Variants in RAB11FIP3 observed in about 807,000 individuals in gnomAD.
The protein encoded by RAB11FIP3 is RAB11 family interacting protein 3.
Under a neutral mutation model 77.8 loss-of-function variants are expected in RAB11FIP3, and 17 were observed. That is an observed-to-expected ratio of 0.22 (90% CI 0.15 to 0.33). The LOEUF (loss-of-function observed/expected upper bound fraction) is 0.33, where lower values mean the gene tolerates loss of function less well. RAB11FIP3 is among the 10% of genes least tolerant of loss of function. The pLI is 1.00. For missense variants in RAB11FIP3, 1,005 were observed against 1,011.2 expected, an observed-to-expected ratio of 0.99 and a Z score of 0.08; for synonymous variants, 437 against 448.2, an observed-to-expected ratio of 0.98 and a Z score of 0.31.
chr16:475,225 G>T, intron 3 of RAB11FIP3: 1 of 1,134,210 alleles, frequency 8.8e-7, no homozygotes. Flanking sequence ...GGCCCTGAAC[G>T]GGCTTTTTCT....
chr16:501,240 C>G (rs1228956731), intron 6 of RAB11FIP3, among the ~76,000 whole-genome samples: 1 of 152,276 alleles, frequency 6.6e-6, no homozygotes. Context: ...CCTAGCCAAG[C>G]TGTTTGTATG....
rs529554470 is a variant in RAB11FIP3, at chr16:446,590, C to A, written c.715-14814C>A. 2.0e-5 allele frequency among the ~76,000 whole-genome samples: 3 copies of A among 152,340 alleles called. No homozygotes were observed. In the South Asian group the frequency reaches 6.2e-4, roughly 32 times the overall value. ...AAGTTTGTGGCATCTGCTGCTCTAG[C>A]CTGGTGTCCAGATGTGTCCTACAGA... On this transcript the variant is annotated intron_variant, in intron 1 of 13. Transcript: ENST00000262305.
At chr16:511,792 G>A (rs1254349409) in intron 9 of RAB11FIP3, among the ~76,000 whole-genome samples, 3 of 82,900 alleles carry the variant, frequency 3.6e-5, no homozygotes, top group African/African-American at 1.1e-4. Context: ...CTGACGGCCC[G>A]CCCACCCCAG....
chr16:482,472 C>T lies in RAB11FIP3; in HGVS notation c.904-53C>T, dbSNP rs1036307306. On this transcript the variant is annotated intron_variant, in intron 3 of 13. Transcript: ENST00000262305. ...TTGCAGCAGTGAGGTGTGGGGCGTT[C>T]GCAGTTCCCCTCCCAGCTTGTGCCC... 29 of 1,552,752 alleles carry T rather than the reference C, an allele frequency of 1.9e-5. No individual in the cohort carries two copies. In the South Asian group the frequency reaches 2.7e-4, roughly 14 times the overall value.
rs142875972 is a variant in RAB11FIP3 at position 463,430 on chromosome 16, GTTTTTTTTTT to G, written c.808+1949_808+1958del. Among the ~76,000 whole-genome samples the G allele has an allele frequency of 3.2e-4, 26 of 82,272 alleles. 2 individuals carry two copies. The Admixed American group carries it at 3.3e-3, about 10-fold the overall frequency. The allele number at this position is 82,272 out of a possible 152,430, so 54.0% of individuals were successfully genotyped here. On this transcript the variant is annotated intron_variant, in intron 2 of 13. Coordinates refer to ENST00000262305, the MANE Select transcript of RAB11FIP3 (RefSeq NM_014700.4). ...GAAACGTGCTGTGTGTTGTTCCCCG[GTTTTTTTTTT>G]TTTTTTTTTTTTTTTGAGACAGAGT...
intron 2 of RAB11FIP3, among the ~76,000 whole-genome samples, chr16:468,870 C>G (rs976773728): frequency 2.6e-5 from 4 of 152,182 alleles, no homozygotes; most frequent in Non-Finnish European, 1.5e-5. Context: ...AAAATGCCAT[C>G]TGTGTTCATA....
intron 3 of RAB11FIP3, among the ~76,000 whole-genome samples, chr16:480,145 C>T (rs1415436008): frequency 1.3e-5 from 2 of 151,472 alleles, no homozygotes; most frequent in African/African-American, 4.9e-5. Flanking sequence ...AAATTAGTGG[C>T]GTGGTGGCAC....
intron 12 of RAB11FIP3, 70 bp from the exon 13 acceptor site, chr16:520,389 G>A (rs970622123): frequency 1.9e-6 from 3 of 1,595,414 alleles, no homozygotes; most frequent in Non-Finnish European, 2.6e-6. Flanking sequence ...CTTTTTCCCC[G>A]GGCAGTCCTT....
intron 5 of RAB11FIP3, among the ~76,000 whole-genome samples, chr16:492,388 A>ACCCGAGGCCGCCCAGG (rs1158189106): frequency 2.5e-5 from 1 of 39,504 alleles, no homozygotes; most frequent in Non-Finnish European, 4.9e-5. Context: ...GGCCGCCCAG[A>ACCCGAGGCCGCCCAGG]GCCCTCCCCG....
In RAB11FIP3 at chr16:506,039, C is replaced by T. The variant is rs186653899; in HGVS notation, c.1499+412C>T. ...CTGGAAGAATGCAGGTTAGAGAAGT[C>T]GCTCAGCAGCAGAAAGCGAAATGAG... On this transcript the variant is annotated intron_variant, in intron 8 of 13. Transcript: ENST00000262305. This position sits in a 1 kb window ranked among gnomAD's most constrained non-coding sequence, Gnocchi z 4.5. Among the ~76,000 whole-genome samples the T allele has an allele frequency of 1.6e-4, 24 of 152,344 alleles. No homozygotes were observed. The highest frequency in any genetic ancestry group is 5.0e-4 in the African/African-American group (21 of 41,586).
At chr16:469,797 TTACA>T (rs1441028323) in intron 2 of RAB11FIP3, among the ~76,000 whole-genome samples, 1 of 152,168 alleles carries the variant, frequency 6.6e-6, no homozygotes, top group Non-Finnish European at 1.5e-5. Flanking sequence ...AGTGCTGGGA[TTACA>T]GGTGTGAGCC....
chr16:466,064 G>A (rs1337859493), intron 2 of RAB11FIP3, among the ~76,000 whole-genome samples: 1 of 152,158 alleles, frequency 6.6e-6, no homozygotes, highest in African/African-American at 2.4e-5. Context: ...AAGACTCAGA[G>A]CACTCAGGGC....
chr16:434,987 C>T (rs969386536), intron 1 of RAB11FIP3, among the ~76,000 whole-genome samples: 3 of 152,074 alleles, frequency 2.0e-5, no homozygotes, highest in Non-Finnish European at 2.9e-5. Context: ...AGGTGGATCA[C>T]GAGGTCAAGA....
intron 3 of RAB11FIP3, among the ~76,000 whole-genome samples, chr16:478,666 T>C (rs1179699611): frequency 6.6e-6 from 1 of 152,212 alleles, no homozygotes. Flanking sequence ...AAGGTTGAAA[T>C]TATAAATTGA....
rs58027215 is a variant in RAB11FIP3, at chr16:522,243, G to A, written c.*1404G>A. On this transcript the variant is annotated 3_prime_UTR_variant, in exon 14 of 14. Coordinates refer to ENST00000262305, the MANE Select transcript of RAB11FIP3 (RefSeq NM_014700.4). ...TCAAGAGAAAACTGTGTATACACATGAAATATATATATATATATATATATA... is the reference window on the plus strand; with the variant it reads ...TCAAGAGAAAACTGTGTATACACATAAAATATATATATATATATATATATA... 4.7e-3 allele frequency: 541 copies of A among 115,570 alleles called. 4 individuals are homozygous for A. The highest frequency in any genetic ancestry group is 0.022 in the African/African-American group (499 of 22,862). The allele number at this position is 115,570 out of a possible 1,614,324, so 7.2% of individuals were successfully genotyped here.
intron 3 of RAB11FIP3, among the ~76,000 whole-genome samples, chr16:476,832 T>TGTAATCCCAGCACTTTGGGA (rs2141704362): frequency 6.6e-6 from 1 of 150,866 alleles, no homozygotes; most frequent in East Asian, 2.0e-4. Context: ...GGCTCAGGCC[T>TGTAATCCCAGCACTTTGGGA]GTAATCCCAG....
intron 2 of RAB11FIP3, among the ~76,000 whole-genome samples, chr16:470,004 T>G (rs976147748): frequency 6.6e-6 from 1 of 150,890 alleles, no homozygotes; most frequent in African/African-American, 2.4e-5. Context: ...CTTTCTTTCT[T>G]TTTTTTTTGA....
At chr16:477,523 C>A in intron 3 of RAB11FIP3, 1 of 596,420 alleles carries the variant, frequency 1.7e-6, no homozygotes, top group Non-Finnish European at 2.1e-6. Flanking sequence ...TGACAGACAT[C>A]CTGGGCCTGC....
chr16:499,227 A>C (rs1439527826), intron 6 of RAB11FIP3, among the ~76,000 whole-genome samples: 1 of 152,168 alleles, frequency 6.6e-6, no homozygotes, highest in Non-Finnish European at 1.5e-5. Context: ...AAAGAAAGAA[A>C]AAGAGAAGCA....
Sources: allele counts gnomAD v4.1 joint callset (sites outside exome capture counted in the v4.1 genomes callset), GRCh38; gene constraint gnomAD v4.1.1; non-coding constraint Gnocchi (gnomAD v3.1); transcripts MANE v1.5; gene names NCBI Gene and HGNC (gene_info 2026-07-23, HGNC 2026-07-21).